The following CDK12 variants were observed in gnomAD, a reference collection of about 807,000 sequenced individuals.
CDK12 encodes cyclin dependent kinase 12, also known as cyclin-dependent kinase 12.
Under a neutral mutation model 133.8 loss-of-function variants are expected in CDK12, and 17 were observed. The ratio of observed to expected loss-of-function variants is 0.13; its 90% CI spans 0.09 to 0.19. CDK12 has a LOEUF of 0.19. Ranked by LOEUF, CDK12 falls within the 10% of genes least tolerant of loss-of-function variation. The pLI is 1.00. For missense variants in CDK12, 1,508 were observed against 1,818.7 expected, an observed-to-expected ratio of 0.83 and a Z score of 3.11; for synonymous variants, 694 against 683.6, an observed-to-expected ratio of 1.02 and a Z score of -0.24.
In CDK12 at chr17:39,488,360, A is replaced by G. The variant is rs142656418; in HGVS notation, c.1932-2197A>G. Among the ~76,000 whole-genome samples, 1,411 of 152,236 alleles carry G rather than the reference A, an allele frequency of 9.3e-3. 19 individuals carry two copies. The highest frequency in any genetic ancestry group is 0.032 in the African/African-American group (1,335 of 41,560). On this transcript the variant is annotated intron_variant, in intron 2 of 13. Transcript: ENST00000447079. ...GAGGCTTCTGCCACCAGGTGCCTTA[A>G]TAATTCTGAAATAGTTGCTTGGACC... is the stretch of plus-strand genomic sequence containing the variant.
intron 10 of CDK12, among the ~76,000 whole-genome samples, chr17:39,519,646 G>A (rs1237349903): frequency 6.6e-6 from 1 of 150,640 alleles, no homozygotes; most frequent in Non-Finnish European, 1.5e-5. Flanking sequence ...CTGCAATGCA[G>A]TTGTGCAGTA....
At chr17:39,567,359 T>G (rs2056603538), downstream of CDK12, 1 of 152,226 alleles carries the variant, frequency 6.6e-6, no homozygotes, top group African/African-American at 2.4e-5. Context: ...TTCAGAGCAC[T>G]TAACACAGTT....
At chr17:39,505,523 C>CA (rs369918356) in intron 6 of CDK12, among the ~76,000 whole-genome samples, 66,206 of 97,640 alleles carry the variant, frequency 0.68, 23,084 homozygotes, top group South Asian at 0.85. Context: ...GACTCCGTCT[C>CA]AAAAAAAAAA....
intron 2 of CDK12, among the ~76,000 whole-genome samples, chr17:39,485,367 T>C (rs943013651): frequency 4.0e-5 from 6 of 150,666 alleles, no homozygotes; most frequent in African/African-American, 1.5e-4. Flanking sequence ...GGAGGATTGC[T>C]TCAGGTGGGA....
At chr17:39,473,795 G>A (rs1472921288) in intron 2 of CDK12, among the ~76,000 whole-genome samples, 3 of 151,850 alleles carry the variant, frequency 2.0e-5, no homozygotes, top group African/African-American at 7.3e-5. Context: ...TGAGGCAGAA[G>A]AATTACTTGA....
intron 13 of CDK12, chr17:39,530,028 G>A (rs1490302883): frequency 2.0e-5 from 3 of 152,154 alleles, no homozygotes; most frequent in Non-Finnish European, 4.4e-5. Flanking sequence ...CTAAAGTTTG[G>A]AGAAGCAAGT....
Position 39,522,545 on chromosome 17 carries a change from G to A in CDK12, c.3096-2129G>A, listed in dbSNP as rs957501762. ...CACCTCCCGGCTTCAAGCGATTCCC[G>A]TGCCTCAGCCTCCTGAGTAGCTGGA... On this transcript the variant is annotated intron_variant, in intron 11 of 13. Coordinates refer to ENST00000447079, the MANE Select transcript of CDK12 (RefSeq NM_016507.4). 3.3e-5 allele frequency among the ~76,000 whole-genome samples: 5 copies of A among 150,820 alleles called. No homozygotes were observed. In the South Asian group the frequency reaches 1.1e-3, roughly 32 times the overall value.
chr17:39,466,016 A>T (rs1208164231), intron 1 of CDK12, among the ~76,000 whole-genome samples: 1 of 152,076 alleles, frequency 6.6e-6, no homozygotes, highest in Non-Finnish European at 1.5e-5. Flanking sequence ...CTCTTAAGAG[A>T]GTAGAGGAGG....
Position 39,488,233 on chromosome 17 carries a change from C to CA in CDK12, c.1932-2311dup, listed in dbSNP as rs111700941. ...TGGGCAACAAAGTGAGTCCCTGTCT[C>CA]AAAAAAAAAAAAAGATTGAAAACTG... On this transcript the variant is annotated intron_variant, in intron 2 of 13. Transcript: ENST00000447079. Among the ~76,000 whole-genome samples the CA allele has an allele frequency of 2.4e-3, 326 of 135,884 alleles. 2 individuals carry two copies. Among genetic ancestry groups the CA allele is most frequent in the African/African-American group, 5.6e-3 (207 of 37,034 alleles). The allele number at this position is 135,884 out of a possible 152,430, so 89.1% of individuals were successfully genotyped here.
At position 39,526,281 on chromosome 17, in the gene CDK12, G is replaced by A. The variant is rs922470452; in HGVS notation, c.3725G>A (p.Arg1242Gln). ...SDKNSGPQGP[R>Q]RTPTMPQEEA... The stretch of plus-strand genomic sequence containing the variant: ...AAGAACAGTGGGCCACAGGGGCCCC[G>A]AAGAACTCCCACAATGCCACAGGAG... Residue 1242 changes from arginine to glutamine, a missense_variant, in exon 13 of 14, where the codon CGA becomes CAA. Arg to Gln is a conservative substitution (Grantham distance 43, BLOSUM62 1). Transcript: ENST00000447079. 14 of 1,601,466 alleles carry A rather than the reference G, an allele frequency of 8.7e-6. No homozygotes were observed. The highest frequency in any genetic ancestry group is 1.7e-5 in the Admixed American group (1 of 57,566).
chr17:39,547,050 C>G (rs1000274459), upstream of CDK12, among the ~76,000 whole-genome samples: 5 of 151,264 alleles, frequency 3.3e-5, no homozygotes, highest in Admixed American at 3.3e-4. Flanking sequence ...GACAGGTAGC[C>G]TTTCTTCTGG....
chr17:39,517,294 T>C (rs746967170), intron 9 of CDK12, 146 bp from the exon 10 acceptor site: 1 of 632,566 alleles, frequency 1.6e-6, no homozygotes, highest in Non-Finnish European at 2.9e-6. Flanking sequence ...AGCAGTAATG[T>C]CATATTTTCC....
At chr17:39,475,496 A>G (rs1430750517) in intron 2 of CDK12, among the ~76,000 whole-genome samples, 2 of 152,052 alleles carry the variant, frequency 1.3e-5, no homozygotes, top group South Asian at 2.1e-4. Flanking sequence ...TTAAAAAGTA[A>G]TAACAAATTC....
intron 10 of CDK12, among the ~76,000 whole-genome samples, chr17:39,518,848 C>T (rs1457531356): frequency 6.6e-6 from 1 of 152,068 alleles, no homozygotes; most frequent in East Asian, 1.9e-4. Context: ...TGTAAGCCCA[C>T]CACACCTAGC....
At chr17:39,481,799 C>G (rs2050733067) in intron 2 of CDK12, among the ~76,000 whole-genome samples, 2 of 151,770 alleles carry the variant, frequency 1.3e-5, no homozygotes, top group South Asian at 4.2e-4. Context: ...CGGCACACTG[C>G]AACCTCCGCC....
chr17:39,475,820 C>T (rs1388148070), intron 2 of CDK12, among the ~76,000 whole-genome samples: 6 of 152,028 alleles, frequency 3.9e-5, no homozygotes, highest in South Asian at 2.1e-4. Context: ...ACTGAGATTA[C>T]AGGTGTGAGC....
At chr17:39,494,416 T>TTAAAGTAAGCAC in intron 4 of CDK12, 108 bp from the exon 5 acceptor site, 1 of 879,042 alleles carries the variant, frequency 1.1e-6, no homozygotes, top group East Asian at 2.6e-5. Context: ...CGTGTAAGCA[T>TTAAAGTAAGCAC]TAAAGTAAGC....
chr17:39,542,572 C>T (rs771727066), intron 1 of CDK12, among the ~76,000 whole-genome samples: 1 of 151,594 alleles, frequency 6.6e-6, no homozygotes, highest in East Asian at 1.9e-4. Flanking sequence ...TGCAATGGTA[C>T]GATCTTGGCT....
chr17:39,554,377 C>T (rs1235126175), intron 2 of CDK12, among the ~76,000 whole-genome samples: 1 of 152,164 alleles, frequency 6.6e-6, no homozygotes, highest in East Asian at 1.9e-4. Context: ...GAGGTGGGTG[C>T]AGAACCATAG....
Sources: allele counts gnomAD v4.1 joint callset (sites outside exome capture counted in the v4.1 genomes callset), GRCh38; gene constraint gnomAD v4.1.1; transcripts MANE v1.5; gene names NCBI Gene and HGNC (gene_info 2026-07-23, HGNC 2026-07-21).